ADRA1B: variants seen among roughly 807,000 people sequenced by gnomAD.
The protein encoded by ADRA1B is alpha-1B adrenergic receptor.
Under a neutral mutation model 17.9 loss-of-function variants are expected in ADRA1B, and 17 were observed. That is an observed-to-expected ratio of 0.95 (90% CI 0.65 to 1.42). ADRA1B has a LOEUF of 1.42. Among genes scored for constraint, ADRA1B ranks in the 40% most tolerant of loss-of-function variants. The probability of loss-of-function intolerance (pLI) is 0.00; values close to 1 mark genes in which losing one functional copy is unlikely to be tolerated. For synonymous variants in ADRA1B, 366 were observed against 327.6 expected (o/e 1.12, Z -1.27); for missense variants, 681 against 722.1 (o/e 0.94, Z 0.65).
At chr5:159,966,534 G>A (rs527969003) in intron 1 of ADRA1B, among the ~76,000 whole-genome samples, 1 of 152,196 alleles carries the variant, frequency 6.6e-6, no homozygotes, top group Non-Finnish European at 1.5e-5. Flanking sequence ...GACTTGTTCA[G>A]GGTGCAAAGG....
At chr5:159,981,130 G>A in the ADRA1B span, among the ~76,000 whole-genome samples, 6 of 152,268 alleles carry the variant, frequency 3.9e-5, no homozygotes, top group Admixed American at 1.3e-4. Context: ...TTACCACCCA[G>A]TATACATAGA....
chr5:159,978,021 C>T, the ADRA1B span, among the ~76,000 whole-genome samples: 2 of 152,206 alleles, frequency 1.3e-5, no homozygotes, highest in South Asian at 4.1e-4. Flanking sequence ...ACTGCCAACA[C>T]TGTCCAGCAC....
At chr5:159,897,744 C>T (rs1479522927) in intron 1 of ADRA1B, among the ~76,000 whole-genome samples, 1 of 152,164 alleles carries the variant, frequency 6.6e-6, no homozygotes, top group Admixed American at 6.5e-5. Flanking sequence ...AATCCCAGTG[C>T]CCTCATCTGT....
chr5:159,865,630 G>A (rs1039714966), intron 1 of ADRA1B, among the ~76,000 whole-genome samples: 10 of 152,140 alleles, frequency 6.6e-5, no homozygotes, highest in African/African-American at 2.4e-4. Flanking sequence ...TGTAGTAGCG[G>A]CATTTTTGGA....
chr5:159,969,183 C>G (rs1241888851), intron 1 of ADRA1B, among the ~76,000 whole-genome samples: 3 of 152,190 alleles, frequency 2.0e-5, no homozygotes, highest in Non-Finnish European at 4.4e-5. Context: ...AGCCCACTGC[C>G]TCATTTCCCC....
At chr5:159,954,650 C>A in intron 1 of ADRA1B, among the ~76,000 whole-genome samples, 1 of 152,106 alleles carries the variant, frequency 6.6e-6, no homozygotes, top group Non-Finnish European at 1.5e-5. Context: ...AGTGTCCCTG[C>A]CCTACAACAG....
chr5:159,881,159 C>A (rs957457255), intron 1 of ADRA1B, among the ~76,000 whole-genome samples: 2 of 119,722 alleles, frequency 1.7e-5, no homozygotes, highest in Non-Finnish European at 3.2e-5. Flanking sequence ...CCGGCCTGGG[C>A]GACAGAGCGA....
In ADRA1B at chr5:159,917,593, G is replaced by A. The variant is rs1754359515; in HGVS notation, c.688G>A (p.Ala230Thr). 2 of 1,613,986 alleles carry A rather than the reference G, an allele frequency of 1.2e-6. No homozygotes were observed. Among genetic ancestry groups the A allele is most frequent in the East Asian group, 4.5e-5 (2 of 44,866 alleles). The change falls in exon 1 of 2, where the codon GCC becomes ACC. Residue 230 changes from alanine to threonine, a missense_variant. Ala to Thr is a moderately conservative substitution (Grantham distance 58, BLOSUM62 0). This residue lies in a region of ADRA1B where 424 missense variants were observed against 480.2 expected (regional missense o/e 0.88). Coordinates refer to ENST00000306675, the MANE Select transcript of ADRA1B (RefSeq NM_000679.4). ...CATGTACTGCCGTGTCTATATAGTGGCCAAGAGAACCACCAAGAACCTAGA... is the reference window on the plus strand; with the variant it reads ...CATGTACTGCCGTGTCTATATAGTGACCAAGAGAACCACCAAGAACCTAGA... ...LVMYCRVYIV[A>T]KRTTKNLEAG...
intron 1 of ADRA1B, chr5:159,950,745 A>C: frequency 1.6e-6 from 1 of 641,570 alleles, no homozygotes. Flanking sequence ...CATATTTGGC[A>C]GGTTTTTCGA....
At chr5:159,909,365 C>T (rs1754201897) in intron 1 of ADRA1B, among the ~76,000 whole-genome samples, 1 of 152,194 alleles carries the variant, frequency 6.6e-6, no homozygotes, top group Non-Finnish European at 1.5e-5. Flanking sequence ...CTCTCCAAAG[C>T]TGGGCTCTAA....
intron 1 of ADRA1B, among the ~76,000 whole-genome samples, chr5:159,933,933 G>A (rs1010335981): frequency 2.0e-5 from 3 of 152,254 alleles, no homozygotes; most frequent in Non-Finnish European, 2.9e-5. Flanking sequence ...CTACCCCACC[G>A]TGGGGGCCTG....
In ADRA1B at chr5:159,917,285, T is replaced by G. The variant is rs1754342865; in HGVS notation, c.380T>G (p.Leu127Arg). Residue 127 changes from leucine (L) to arginine (R), a missense_variant, in exon 1 of 2, where the codon CTG becomes CGG. Coordinates refer to ENST00000306675, the MANE Select transcript of ADRA1B (RefSeq NM_000679.4). ...FCDIWAAVDV[L>R]CCTASILSLC... The stretch of plus-strand genomic sequence containing the variant: ...GACATCTGGGCAGCCGTGGATGTCC[T>G]GTGCTGCACAGCGTCCATTCTGAGC... 4 of 1,614,038 alleles carry G rather than the reference T, an allele frequency of 2.5e-6. No homozygotes were observed. In the African/African-American group the frequency reaches 4.0e-5, roughly 16 times the overall value.
intron 1 of ADRA1B, among the ~76,000 whole-genome samples, chr5:159,910,825 A>C (rs1754219601): frequency 6.6e-6 from 1 of 152,240 alleles, no homozygotes; most frequent in South Asian, 2.1e-4. Context: ...TGCAGCCCAG[A>C]GGGACCAAGG....
intron 1 of ADRA1B, among the ~76,000 whole-genome samples, chr5:159,933,951 T>G (rs1167787182): frequency 6.6e-6 from 1 of 151,406 alleles, no homozygotes; most frequent in East Asian, 2.0e-4. Flanking sequence ...CTGTGTGGAT[T>G]GAGGGAATGC....
chr5:159,915,565 A>G (rs1754281136), upstream of ADRA1B, among the ~76,000 whole-genome samples: 3 of 152,158 alleles, frequency 2.0e-5, no homozygotes, highest in South Asian at 4.1e-4. Context: ...AAAAAACTCA[A>G]CAAATAACCA....
At chr5:159,931,338 G>A (rs1223738767) in intron 1 of ADRA1B, among the ~76,000 whole-genome samples, 1 of 150,414 alleles carries the variant, frequency 6.6e-6, no homozygotes, top group Non-Finnish European at 1.5e-5. Flanking sequence ...AGGGTACAAT[G>A]AGCCATAACC....
chr5:159,922,863 C>A (rs1754527524), intron 1 of ADRA1B, among the ~76,000 whole-genome samples: 1 of 152,260 alleles, frequency 6.6e-6, no homozygotes, highest in South Asian at 2.1e-4. Flanking sequence ...GTAGGGAACA[C>A]AGAGATGTTG....
At chr5:159,974,771 C>T (rs180836471), downstream of ADRA1B, among the ~76,000 whole-genome samples, 43 of 152,234 alleles carry the variant, frequency 2.8e-4, 1 homozygote, top group East Asian at 7.5e-3. Flanking sequence ...ATTTTAGATG[C>T]CGTACCCTTG....
At chr5:159,938,954 G>A (rs985137818) in intron 1 of ADRA1B, among the ~76,000 whole-genome samples, 1 of 152,212 alleles carries the variant, frequency 6.6e-6, no homozygotes, top group African/African-American at 2.4e-5. Flanking sequence ...GTCACAGTAT[G>A]TGGCCAGAGT....
Sources: allele counts gnomAD v4.1 joint callset (sites outside exome capture counted in the v4.1 genomes callset), GRCh38; gene constraint gnomAD v4.1.1; regional missense constraint gnomAD v4.1.1; transcripts MANE v1.5; gene names NCBI Gene and HGNC (gene_info 2026-07-23, HGNC 2026-07-21).